Variants in TSC22D3 observed in about 807,000 individuals in gnomAD.
The protein encoded by TSC22D3 is TSC22 domain family member 3.
TSC22D3 carries 4 observed loss-of-function variants against 11.1 expected under a neutral mutation model. The ratio of observed to expected loss-of-function variants is 0.36; its 90% confidence interval spans 0.18 to 0.83. The LOEUF (loss-of-function observed/expected upper bound fraction) is 0.83, where lower values mean the gene tolerates loss of function less well. TSC22D3 is among the 40% of genes least tolerant of loss of function. The pLI is 0.48. For synonymous variants in TSC22D3, 77 were observed against 70.3 expected (o/e 1.10, Z -0.48); for missense variants, 118 against 159.4 (o/e 0.74, Z 1.40).
At chrX:107,761,949 A>G (rs189302957) in intron 1 of TSC22D3, among the ~76,000 whole-genome samples, 7 of 111,994 alleles carry the variant, frequency 6.3e-5, no homozygotes, top group African/African-American at 2.3e-4. Flanking sequence ...TTCTGGGTGA[A>G]GTCCCGTTAG....
At chrX:107,771,943 G>A (rs1929922732) in intron 1 of TSC22D3, among the ~76,000 whole-genome samples, 1 of 112,573 alleles carries the variant, frequency 8.9e-6, no homozygotes, top group Non-Finnish European at 1.9e-5. Context: ...TTCTAGCACA[G>A]TATAAAGTTG....
intron 1 of TSC22D3, among the ~76,000 whole-genome samples, chrX:107,739,188 A>G (rs1447198509): frequency 1.8e-5 from 2 of 112,640 alleles, no homozygotes; most frequent in Admixed American, 1.9e-4. Flanking sequence ...AGCCCCACAA[A>G]CCTCCATTCG....
At chrX:107,744,203 C>G (rs753507519) in intron 1 of TSC22D3, among the ~76,000 whole-genome samples, 25 of 112,219 alleles carry the variant, frequency 2.2e-4, no homozygotes, top group African/African-American at 7.8e-4. Flanking sequence ...CCTGCCCTCT[C>G]TGACATGGCC....
intron 1 of TSC22D3, among the ~76,000 whole-genome samples, chrX:107,739,544 C>T (rs1422564673): frequency 8.9e-6 from 1 of 112,240 alleles, no homozygotes; most frequent in Non-Finnish European, 1.9e-5. Context: ...CGTGTTGGAG[C>T]ATAGGTGAGG....
chrX:107,726,296 A>T (rs1251517065), intron 1 of TSC22D3, among the ~76,000 whole-genome samples: 2 of 111,768 alleles, frequency 1.8e-5, no homozygotes, highest in Non-Finnish European at 3.8e-5. Flanking sequence ...TTTAATTTAC[A>T]TTGTTTGCTA....
intron 1 of TSC22D3, among the ~76,000 whole-genome samples, chrX:107,719,662 G>C (rs141135274): frequency 3.6e-4 from 40 of 112,075 alleles, no homozygotes; most frequent in Middle Eastern, 4.6e-3. Context: ...CAGGGAATAG[G>C]TTTGTTGAAT....
In TSC22D3 at chrX:107,713,501, C is replaced by A. The variant is rs1222272430; in HGVS notation, c.*1018G>T. On this transcript the variant is annotated 3_prime_UTR_variant, in exon 3 of 3. Transcript: ENST00000372383. ...TACAAAACAAAACAAAAAACGTTTT[C>A]AAATGACACTGTGAAGCCCAAACTG... 1 of 112,441 alleles carries A rather than the reference C, an allele frequency of 8.9e-6. No homozygotes were observed. The highest frequency in any genetic ancestry group is 3.3e-5 in the African/African-American group (1 of 30,764). 9.3% of individuals were successfully genotyped at this position (112,441 alleles called of 1,213,427 possible). A position where few individuals can be genotyped will look rare whatever the true frequency, so the allele number is the denominator to read the frequency against.
At chrX:107,725,922 C>T (rs1210258593) in intron 1 of TSC22D3, among the ~76,000 whole-genome samples, 10 of 111,706 alleles carry the variant, frequency 9.0e-5, no homozygotes, top group Non-Finnish European at 1.9e-4. Flanking sequence ...AACCTCCCTT[C>T]TACAGGAACC....
chrX:107,769,482 G>A (rs1929806039), intron 1 of TSC22D3, among the ~76,000 whole-genome samples: 1 of 111,270 alleles, frequency 9.0e-6, no homozygotes, highest in South Asian at 3.8e-4. Flanking sequence ...GGTAGTGGGA[G>A]GGGAAAATAG....
At chrX:107,752,120 G>A (rs1015402570) in intron 1 of TSC22D3, among the ~76,000 whole-genome samples, 4 of 112,027 alleles carry the variant, frequency 3.6e-5, no homozygotes, top group East Asian at 2.8e-4. Context: ...AAGCAGCGGC[G>A]GGGGGTAGCA....
At chrX:107,716,317 G>A (rs1453712120) in intron 1 of TSC22D3, 26 of 914,501 alleles carry the variant, frequency 2.8e-5, no homozygotes, top group Non-Finnish European at 3.4e-5. Context: ...AAACCTACCC[G>A]GCTCTGAAGC....
intron 1 of TSC22D3, among the ~76,000 whole-genome samples, chrX:107,733,523 A>C (rs1927983164): frequency 9.1e-6 from 1 of 109,633 alleles, no homozygotes; most frequent in Non-Finnish European, 1.9e-5. Context: ...GCACACCTCC[A>C]CCCTGCTTTA....
intron 1 of TSC22D3, among the ~76,000 whole-genome samples, chrX:107,766,632 C>T (rs981341267): frequency 9.0e-6 from 1 of 111,179 alleles, no homozygotes; most frequent in African/African-American, 3.3e-5. Flanking sequence ...TCCAAAATGC[C>T]TCAAGCCAAA....
intron 1 of TSC22D3, among the ~76,000 whole-genome samples, chrX:107,772,469 G>A (rs1188889453): frequency 9.0e-6 from 1 of 111,597 alleles, no homozygotes; most frequent in Non-Finnish European, 1.9e-5. Context: ...CAGCAATAAT[G>A]GTCTTCTAGT....
intron 1 of TSC22D3, among the ~76,000 whole-genome samples, chrX:107,769,996 G>C (rs769725386): frequency 8.0e-5 from 9 of 112,319 alleles, no homozygotes; most frequent in Non-Finnish European, 1.7e-4. Flanking sequence ...TCAGGAAATA[G>C]TTATTTTAAA....
At chrX:107,748,994 T>C (rs867128808) in intron 1 of TSC22D3, among the ~76,000 whole-genome samples, 72 of 111,128 alleles carry the variant, frequency 6.5e-4, no homozygotes, top group African/African-American at 2.3e-3. Flanking sequence ...CCTCCCCTAC[T>C]GGACCCCGTC....
rs893700677 is a variant in TSC22D3, at chrX:107,759,895, G to A, written c.320+15205C>T. Among the ~76,000 whole-genome samples the A allele has an allele frequency of 4.4e-5, 5 of 112,447 alleles. No homozygotes were observed. In the East Asian group the frequency reaches 8.4e-4, roughly 19 times the overall value. ...CCTCAGGGCCAGCCTGGGCTGGCTC[G>A]GCTGTGGGGGCGGGAGGAAATTCAC... On this transcript the variant is annotated intron_variant, in intron 1 of 2. Transcript: ENST00000372383.
intron 1 of TSC22D3, among the ~76,000 whole-genome samples, chrX:107,748,773 A>G (rs987895239): frequency 5.3e-5 from 6 of 112,156 alleles, no homozygotes; most frequent in Non-Finnish European, 1.1e-4. Flanking sequence ...CAGAGGATCA[A>G]ATAAGATAGA....
chrX:107,741,061 G>A (rs891025250), intron 1 of TSC22D3, among the ~76,000 whole-genome samples: 1 of 110,919 alleles, frequency 9.0e-6, no homozygotes, highest in Non-Finnish European at 1.9e-5. Context: ...GTCTACTGAG[G>A]TGTGGGCTAT....
Sources: allele counts gnomAD v4.1 joint callset (sites outside exome capture counted in the v4.1 genomes callset), GRCh38; gene constraint gnomAD v4.1.1; transcripts MANE v1.5; gene names NCBI Gene and HGNC (gene_info 2026-07-23, HGNC 2026-07-21).